NRCAM: variants seen among roughly 807,000 people sequenced by gnomAD.
The protein encoded by NRCAM is neuronal cell adhesion molecule, also known as NgCAM-related cell adhesion molecule.
In NRCAM, 83 loss-of-function variants were observed where a neutral mutation model predicts 156.5. That is an observed-to-expected ratio of 0.53 (90% CI 0.44 to 0.64). The LOEUF (loss-of-function observed/expected upper bound fraction) is 0.64, where lower values mean the gene tolerates loss of function less well. Among genes scored for constraint, NRCAM ranks in the 30% least tolerant of loss-of-function variants. The probability of loss-of-function intolerance (pLI) is 0.00; values close to 1 mark genes in which losing one functional copy is unlikely to be tolerated. For synonymous variants in NRCAM, 538 were observed against 563.9 expected (o/e 0.95, Z 0.65); for missense variants, 1,417 against 1,597.3 (o/e 0.89, Z 1.92).
At chr7:108,161,367 C>T (rs1364609685) in intron 30 of NRCAM, among the ~76,000 whole-genome samples, 1 of 152,068 alleles carries the variant, frequency 6.6e-6, no homozygotes, top group Non-Finnish European at 1.5e-5. Flanking sequence ...CTAAGAAAAC[C>T]ACAGAATAAT....
intron 2 of NRCAM, among the ~76,000 whole-genome samples, chr7:108,392,979 T>C (rs2395994): frequency 8.5e-5 from 13 of 152,250 alleles, no homozygotes; most frequent in African/African-American, 2.6e-4. Flanking sequence ...TGCCCCTACT[T>C]GGGGGTGCCT....
rs1439940108 is a variant in NRCAM at position 108,239,958 on chromosome 7, C to T, written c.106+1G>A. The T allele has an allele frequency of 6.3e-6, 10 of 1,598,580 alleles. No homozygotes were observed. Among genetic ancestry groups the T allele is most frequent in the Non-Finnish European group, 7.7e-6 (9 of 1,167,464 alleles). ...AACAGCTTTAAAACGTTAATACTTA[C>T]GATCAAGAGGTACTTCCAGTGCACT... On this transcript the variant is annotated splice_donor_variant, in intron 4 of 32. Coordinates refer to ENST00000379028, the MANE Select transcript of NRCAM (RefSeq NM_001037132.4). LOFTEE classifies it high-confidence loss of function.
intron 6 of NRCAM, among the ~76,000 whole-genome samples, chr7:108,234,076 A>G (rs533089930): frequency 4.6e-5 from 7 of 152,202 alleles, no homozygotes; most frequent in Non-Finnish European, 8.8e-5. Flanking sequence ...TATTTTATAA[A>G]CTGTTACAAA....
chr7:108,384,378 T>C (rs1190719660), intron 2 of NRCAM, among the ~76,000 whole-genome samples: 2 of 151,768 alleles, frequency 1.3e-5, no homozygotes, highest in Admixed American at 6.6e-5. Flanking sequence ...AAATAAAGAA[T>C]TGTTGAAGGG....
chr7:108,388,350 A>G (rs1470048737), intron 2 of NRCAM, among the ~76,000 whole-genome samples: 1 of 152,164 alleles, frequency 6.6e-6, no homozygotes. Context: ...GGCTGCAAAA[A>G]TGTCTTCTTT....
intron 3 of NRCAM, among the ~76,000 whole-genome samples, chr7:108,248,622 G>C (rs1304882238): frequency 6.6e-6 from 1 of 152,104 alleles, no homozygotes; most frequent in East Asian, 1.9e-4. Flanking sequence ...CTCTGCTCGA[G>C]GCTGACAGAG....
At chr7:108,167,162 G>T in intron 29 of NRCAM, 89 bp from the exon 30 acceptor site, 2 of 948,002 alleles carry the variant, frequency 2.1e-6, no homozygotes, top group Non-Finnish European at 3.2e-6. Context: ...TTCTTTATAA[G>T]CTAAAGACAA....
chr7:108,423,626 T>C (rs1813182040), intron 1 of NRCAM, among the ~76,000 whole-genome samples: 1 of 152,218 alleles, frequency 6.6e-6, no homozygotes, highest in African/African-American at 2.4e-5. Context: ...AAGTCTATAT[T>C]CCAGCTAACA....
chr7:108,390,585 T>C (rs2099756525), intron 2 of NRCAM, among the ~76,000 whole-genome samples: 1 of 152,198 alleles, frequency 6.6e-6, no homozygotes, highest in Non-Finnish European at 1.5e-5. Flanking sequence ...AGTTCTGCTC[T>C]GATCTTAGTT....
intron 2 of NRCAM, among the ~76,000 whole-genome samples, chr7:108,395,512 C>T (rs1454230304): frequency 6.6e-6 from 1 of 152,192 alleles, no homozygotes; most frequent in East Asian, 1.9e-4. Flanking sequence ...AAAGGGCACA[C>T]AGCAACACAT....
intron 3 of NRCAM, among the ~76,000 whole-genome samples, chr7:108,254,464 T>C (rs2096529854): frequency 6.6e-6 from 1 of 152,134 alleles, no homozygotes; most frequent in Admixed American, 6.5e-5. Context: ...TGATGTCCAG[T>C]GTTGGTGAGG....
chr7:108,278,133 C>G lies in NRCAM; in HGVS notation c.-107+34532G>C, dbSNP rs565867302. 5.9e-5 allele frequency among the ~76,000 whole-genome samples: 9 copies of G among 152,316 alleles called. No homozygotes were observed. In the East Asian group the frequency reaches 1.7e-3, roughly 29 times the overall value. On this transcript the variant is annotated intron_variant, in intron 3 of 32. Coordinates refer to ENST00000379028, the MANE Select transcript of NRCAM (RefSeq NM_001037132.4). The stretch of plus-strand genomic sequence containing the variant: ...AGCTTCATCTCAGAGGGGCACCCAC[C>G]TGTATGAGGTGTTTGTCAGTCCCTA...
rs959775248 is a variant in NRCAM at position 108,148,786 on chromosome 7, T to G, written c.*1124A>C. On this transcript the variant is annotated 3_prime_UTR_variant, in exon 33 of 33. Coordinates refer to ENST00000379028, the MANE Select transcript of NRCAM (RefSeq NM_001037132.4). ...TAGTTTTAAAATTAATTTTCTAGCA[T>G]GTTGACATCTTTCTTACTGAATGTA... 6.6e-6 allele frequency: 1 copy of G among 152,548 alleles called. No individual in the cohort carries two copies. The highest frequency in any genetic ancestry group is 2.4e-5 in the African/African-American group (1 of 41,460). The allele number at this position is 152,548 out of a possible 1,614,324, so 9.4% of individuals were successfully genotyped here.
chr7:108,315,821 G>C (rs1399622358), intron 2 of NRCAM, among the ~76,000 whole-genome samples: 1 of 152,188 alleles, frequency 6.6e-6, no homozygotes, highest in African/African-American at 2.4e-5. Flanking sequence ...TAACACATTG[G>C]TCCTTGAAGA....
At chr7:108,400,818 C>G (rs1376891557) in intron 1 of NRCAM, among the ~76,000 whole-genome samples, 1 of 152,040 alleles carries the variant, frequency 6.6e-6, no homozygotes, top group East Asian at 1.9e-4. Flanking sequence ...AGGAGAAAGC[C>G]AGATGGATCA....
rs146859763 is a variant in NRCAM, at chr7:108,242,796, A to G, written c.-106-2626T>C. Among the ~76,000 whole-genome samples the G allele has an allele frequency of 3.9e-3, 587 of 152,324 alleles. 2 individuals are homozygous for G. The highest frequency in any genetic ancestry group is 0.013 in the African/African-American group (558 of 41,576). ...TACTTTCCAATAGATGTACTAATAAATTGTAACACTTGTAAGATCTTAAAC... is the reference window on the plus strand; with the variant it reads ...TACTTTCCAATAGATGTACTAATAAGTTGTAACACTTGTAAGATCTTAAAC... On this transcript the variant is annotated intron_variant, in intron 3 of 32. Transcript: ENST00000379028.
chr7:108,301,309 G>A (rs1385839833), intron 3 of NRCAM, among the ~76,000 whole-genome samples: 1 of 152,198 alleles, frequency 6.6e-6, no homozygotes, highest in Non-Finnish European at 1.5e-5. Flanking sequence ...ACAATGGCAA[G>A]CAAAATGTGG....
At chr7:108,385,374 C>T (rs1207112621) in intron 2 of NRCAM, among the ~76,000 whole-genome samples, 8 of 152,156 alleles carry the variant, frequency 5.3e-5, no homozygotes, top group African/African-American at 1.9e-4. Flanking sequence ...AACACCCAAT[C>T]ACATGAGAGA....
chr7:108,384,778 C>T (rs1236019671), intron 2 of NRCAM, among the ~76,000 whole-genome samples: 1 of 152,182 alleles, frequency 6.6e-6, no homozygotes, highest in Non-Finnish European at 1.5e-5. Flanking sequence ...ATTGACCAAG[C>T]TTTCAGTAAC....
Sources: allele counts gnomAD v4.1 joint callset (sites outside exome capture counted in the v4.1 genomes callset), GRCh38; gene constraint gnomAD v4.1.1; transcripts MANE v1.5; gene names NCBI Gene and HGNC (gene_info 2026-07-23, HGNC 2026-07-21).